HNRNPH1: variants seen among roughly 807,000 people sequenced by gnomAD.
HNRNPH1 encodes the protein heterogeneous nuclear ribonucleoprotein H.
Under a neutral mutation model 58.6 loss-of-function variants are expected in HNRNPH1, and 4 were observed. The ratio of observed to expected loss-of-function variants is 0.07; its 90% confidence interval spans 0.03 to 0.16. HNRNPH1 has a LOEUF of 0.16. Ranked by LOEUF, HNRNPH1 falls within the 10% of genes least tolerant of loss-of-function variation. HNRNPH1 has a pLI of 1.00. For synonymous variants in HNRNPH1, 192 were observed against 189.2 expected, an observed-to-expected ratio of 1.01 and a Z score of -0.12; for missense variants, 271 against 564.2, an observed-to-expected ratio of 0.48 and a Z score of 5.26.
At chr5:179,620,481 G>T (rs1295337961) in intron 3 of HNRNPH1, among the ~76,000 whole-genome samples, 1 of 152,148 alleles carries the variant, frequency 6.6e-6, no homozygotes, top group African/African-American at 2.4e-5. Context: ...GATGCTTCTG[G>T]TCACATGACC....
intron 2 of HNRNPH1, 52 bp downstream of exon 3, chr5:179,621,190 C>T: frequency 6.4e-7 from 1 of 1,562,762 alleles, no homozygotes; most frequent in Non-Finnish European, 8.8e-7. Flanking sequence ...AGGGGTGAGA[C>T]CTCTATTGTT....
rs745657696 is a variant in HNRNPH1 at position 179,619,219 on chromosome 5, A to G, written c.536+50T>C. 11 of 1,473,854 alleles carry G rather than the reference A, an allele frequency of 7.5e-6. No individual in the cohort carries two copies. The African/African-American group carries it at 8.4e-5, about 11-fold the overall frequency. The allele number at this position is 1,473,854 out of a possible 1,614,324, so 91.3% of individuals were successfully genotyped here. On this transcript the variant is annotated intron_variant, in intron 4 of 12. Coordinates refer to ENST00000356731, the Ensembl canonical transcript of HNRNPH1. ...TTTAAGCAGAGAGAATATGGATTTA[A>G]TTGTTTACCATAAGAAAAGTGACAT...
chr5:179,620,369 A>T (rs915698938), intron 3 of HNRNPH1, among the ~76,000 whole-genome samples: 1 of 152,240 alleles, frequency 6.6e-6, no homozygotes, highest in Non-Finnish European at 1.5e-5. Context: ...ACAAGCATTC[A>T]AACTACTCTC....
At chr5:179,623,202 T>G (rs968233792) in exon 1 of HNRNPH1, 3 of 1,178,068 alleles carry the variant, frequency 2.5e-6, no homozygotes, top group East Asian at 5.6e-5. Context: ...GAGCGCCAAT[T>G]AAGCTGTCCT....
chr5:179,618,170 C>T (rs1770693107), exon 5 of HNRNPH1: 1 of 1,613,906 alleles, frequency 6.2e-7, no homozygotes, highest in Non-Finnish European at 8.5e-7. Flanking sequence ...CACGCCTCAT[C>T]CTCTCAAAGC....
intron 2 of HNRNPH1, among the ~76,000 whole-genome samples, chr5:179,631,405 A>G (rs1282198748): frequency 2.0e-5 from 3 of 152,130 alleles, no homozygotes; most frequent in African/African-American, 4.8e-5. Context: ...TGAGGTCAGG[A>G]GTTCAAGACC....
At chr5:179,622,616 C>A (rs929438778) in intron 1 of HNRNPH1, among the ~76,000 whole-genome samples, 1 of 152,150 alleles carries the variant, frequency 6.6e-6, no homozygotes, top group African/African-American at 2.4e-5. Flanking sequence ...GAGACTGAGG[C>A]AGGAGAATCG....
intron 2 of HNRNPH1, among the ~76,000 whole-genome samples, chr5:179,630,272 G>A (rs568569633): frequency 1.3e-5 from 2 of 152,072 alleles, no homozygotes; most frequent in East Asian, 3.9e-4. Flanking sequence ...TCGCTTGAAT[G>A]TGGGAGGCGG....
upstream of HNRNPH1, among the ~76,000 whole-genome samples, chr5:179,626,356 C>T (rs576054584): frequency 2.0e-5 from 3 of 152,060 alleles, no homozygotes; most frequent in South Asian, 2.1e-4. Flanking sequence ...CTGCCTGCCT[C>T]GGCCTCCCAA....
chr5:179,630,780 G>C (rs1387991401), intron 2 of HNRNPH1, among the ~76,000 whole-genome samples: 2 of 151,732 alleles, frequency 1.3e-5, no homozygotes, highest in Non-Finnish European at 2.9e-5. Context: ...GTGTGGTGAC[G>C]GGCGCCTGTA....
chr5:179,621,694 C>T (rs1006305188), intron 1 of HNRNPH1: 3 of 421,922 alleles, frequency 7.1e-6, no homozygotes, highest in South Asian at 2.3e-5. Context: ...ATCAATTTCT[C>T]AGAAGATTAT....
intron 11 of HNRNPH1, 65 bp downstream of exon 12, chr5:179,616,061 C>CT (rs2127605665): frequency 1.5e-6 from 2 of 1,363,158 alleles, no homozygotes; most frequent in Non-Finnish European, 2.1e-6. Context: ...ATAACTTACT[C>CT]TAAGTACAGT....
chr5:179,619,407 C>G, exon 4 of HNRNPH1: 1 of 1,611,610 alleles, frequency 6.2e-7, no homozygotes, highest in Non-Finnish European at 8.5e-7. Flanking sequence ...GATTTCCAAC[C>G]CTTCAACCCA....
In HNRNPH1 at chr5:179,616,252, C is replaced by A. The variant is rs577853509; in HGVS notation, c.1208-34G>T. 1.2e-3 allele frequency: 1,882 copies of A among 1,540,468 alleles called. 30 individuals are homozygous for A. The South Asian group carries it at 0.02, about 16-fold the overall frequency. ...TTAAGAAAACATTAGAACCTTTTTT[C>A]TTATGTGATGTGGTACCTGGTGGTA... On this transcript the variant is annotated intron_variant, in intron 10 of 12. Transcript: ENST00000356731.
Position 179,622,119 on chromosome 5 carries a change from A to G in HNRNPH1, c.98-722T>C, listed in dbSNP as rs918373171. 4 of 390,792 alleles carry G rather than the reference A, an allele frequency of 1.0e-5. No homozygotes were observed. The East Asian group carries it at 2.2e-4, about 21-fold the overall frequency. The allele number at this position is 390,792 out of a possible 1,614,324, so 24.2% of individuals were successfully genotyped here. ...CATTCTGATAGAAAATATTCAGGAA[A>G]CCTATGTACTGCAAAAACACTTCCC... On this transcript the variant is annotated intron_variant, in intron 1 of 12. Transcript: ENST00000356731.
chr5:179,614,784 GAAAAAAAAAAAAAA>G (rs35827689), exon 13 of HNRNPH1: 1 of 444,358 alleles, frequency 2.3e-6, no homozygotes, highest in Non-Finnish European at 3.8e-6. Context: ...TTTTCTTAAA[GAAAAAAAAAAAAAA>G]AAAAAAAAGG....
chr5:179,627,843 A>C (rs796908531), upstream of HNRNPH1, among the ~76,000 whole-genome samples: 13 of 149,938 alleles, frequency 8.7e-5, no homozygotes, highest in African/African-American at 3.2e-4. Flanking sequence ...AATCACTTGA[A>C]CCCAGGATGT....
exon 4 of HNRNPH1, chr5:179,619,349 C>A (rs760495914): frequency 1.2e-6 from 2 of 1,613,302 alleles, no homozygotes; most frequent in South Asian, 2.2e-5. Flanking sequence ...AGGCCTCCCC[C>A]GTACTCCTCC....
intron 4 of HNRNPH1, 105 bp from the exon 6 acceptor site, chr5:179,618,428 A>G: frequency 1.4e-6 from 1 of 718,566 alleles, no homozygotes; most frequent in Non-Finnish European, 2.2e-6. Context: ...CATAGCCATG[A>G]AACTGACTAA....
Sources: allele counts gnomAD v4.1 joint callset (sites outside exome capture counted in the v4.1 genomes callset), GRCh38; gene constraint gnomAD v4.1.1; transcripts MANE v1.5; gene names NCBI Gene and HGNC (gene_info 2026-07-23, HGNC 2026-07-21).